ADAM22: variants seen among roughly 807,000 people sequenced by gnomAD.
ADAM22 encodes the protein disintegrin and metalloproteinase domain-containing protein 22.
ADAM22 carries 65 observed loss-of-function variants against 144.6 expected under a neutral mutation model. That is an observed-to-expected ratio of 0.45 (90% CI 0.37 to 0.55). The LOEUF (loss-of-function observed/expected upper bound fraction) is 0.55, where lower values mean the gene tolerates loss of function less well. Ranked by LOEUF, ADAM22 falls within the 20% of genes least tolerant of loss-of-function variation. The pLI is 0.00. For synonymous variants in ADAM22, 391 were observed against 412.6 expected (o/e 0.95, Z 0.63); for missense variants, 974 against 1,184.9 (o/e 0.82, Z 2.61).
intron 3 of ADAM22, among the ~76,000 whole-genome samples, chr7:88,054,643 A>G (rs1243475594): frequency 1.7e-5 from 2 of 119,402 alleles, no homozygotes; most frequent in Non-Finnish European, 3.8e-5. Flanking sequence ...ATTCCTCTGC[A>G]CACATGGTCG....
chr7:88,011,718 C>G (rs1227069345), intron 3 of ADAM22, among the ~76,000 whole-genome samples: 2 of 134,270 alleles, frequency 1.5e-5, no homozygotes, highest in Non-Finnish European at 3.4e-5. Flanking sequence ...TTCTCTTTCT[C>G]TCTCTCTCTC....
At chr7:88,184,087 C>A (rs1352218020) in intron 29 of ADAM22, among the ~76,000 whole-genome samples, 1 of 151,832 alleles carries the variant, frequency 6.6e-6, no homozygotes. Flanking sequence ...CCCTTTAGTA[C>A]CTCATTATTC....
chr7:88,047,480 G>T (rs931489319), intron 3 of ADAM22, among the ~76,000 whole-genome samples: 7 of 152,064 alleles, frequency 4.6e-5, no homozygotes, highest in Non-Finnish European at 1.0e-4. Context: ...TGATACATTG[G>T]GATTTGATTT....
chr7:87,970,459 C>G (rs1437634134), intron 2 of ADAM22, among the ~76,000 whole-genome samples: 1 of 152,028 alleles, frequency 6.6e-6, no homozygotes. Context: ...GTAATATTCC[C>G]ACCCCATTGG....
At chr7:88,182,336 A>T (rs993392875) in intron 29 of ADAM22, among the ~76,000 whole-genome samples, 2 of 152,046 alleles carry the variant, frequency 1.3e-5, no homozygotes, top group African/African-American at 4.8e-5. Context: ...TCTTCTCATC[A>T]TCTGGGATTC....
rs550116549 is a variant in ADAM22 at position 88,125,442 on chromosome 7, C to T, written c.608-147C>T. On this transcript the variant is annotated intron_variant, in intron 7 of 31. Transcript: ENST00000413139. ...TATATGTTTATTTAGTATTAATATACTACAGTTACTTAATGGTTTGTGTGA... is the reference window on the plus strand; with the variant it reads ...TATATGTTTATTTAGTATTAATATATTACAGTTACTTAATGGTTTGTGTGA... 12 of 518,834 alleles carry T rather than the reference C, an allele frequency of 2.3e-5. No homozygotes were observed. The Admixed American group carries it at 2.4e-4, about 11-fold the overall frequency. 32.1% of individuals were successfully genotyped at this position (518,834 alleles called of 1,614,324 possible). A position where few individuals can be genotyped will look rare whatever the true frequency, so the allele number is the denominator to read the frequency against.
At chr7:88,034,547 C>T (rs970629574) in intron 3 of ADAM22, among the ~76,000 whole-genome samples, 1 of 152,120 alleles carries the variant, frequency 6.6e-6, no homozygotes, top group South Asian at 2.1e-4. Flanking sequence ...TACCTCAGCT[C>T]GTGTCTCAGT....
intron 2 of ADAM22, among the ~76,000 whole-genome samples, chr7:87,953,362 A>G (rs1232979568): frequency 1.3e-5 from 2 of 152,136 alleles, no homozygotes; most frequent in African/African-American, 4.8e-5. Flanking sequence ...CGTTGGTTTC[A>G]AAGAACATCT....
intron 3 of ADAM22, among the ~76,000 whole-genome samples, chr7:88,074,009 A>C (rs1813512295): frequency 2.0e-5 from 3 of 152,190 alleles, no homozygotes. Context: ...TACATTTAGC[A>C]ATGTCTGGAG....
intron 3 of ADAM22, among the ~76,000 whole-genome samples, chr7:87,978,995 G>C (rs2129448874): frequency 6.6e-6 from 1 of 152,272 alleles, no homozygotes; most frequent in African/African-American, 2.4e-5. Flanking sequence ...CTTGCATTTG[G>C]TCTAAGTGTA....
At chr7:88,005,148 C>A (rs186729206) in intron 3 of ADAM22, among the ~76,000 whole-genome samples, 16 of 152,214 alleles carry the variant, frequency 1.1e-4, no homozygotes, top group African/African-American at 2.9e-4. Context: ...CACACACACA[C>A]AAACAAATAA....
At chr7:88,005,168 G>A (rs1793504493) in intron 3 of ADAM22, among the ~76,000 whole-genome samples, 1 of 152,094 alleles carries the variant, frequency 6.6e-6, no homozygotes, top group East Asian at 1.9e-4. Flanking sequence ...ATTGTGCCCT[G>A]TGTTCACCCA....
At chr7:87,960,492 A>G (rs1013271092) in intron 2 of ADAM22, among the ~76,000 whole-genome samples, 1 of 152,088 alleles carries the variant, frequency 6.6e-6, no homozygotes, top group African/African-American at 2.4e-5. Flanking sequence ...GAAGAGAAAC[A>G]GTTATACTTT....
Position 88,162,885 on chromosome 7 carries a change from C to T in ADAM22, c.1908-127C>T. The T allele has an allele frequency of 4.5e-6, 4 of 890,148 alleles. No homozygotes were observed. The South Asian group carries it at 6.7e-5, about 15-fold the overall frequency. The allele number at this position is 890,148 out of a possible 1,614,324, so 55.1% of individuals were successfully genotyped here. A position where few individuals can be genotyped will look rare whatever the true frequency, so the allele number is the denominator to read the frequency against. On this transcript the variant is annotated intron_variant, in intron 22 of 31. Coordinates refer to ENST00000413139, the MANE Select transcript of ADAM22 (RefSeq NM_001324418.2). ...TTCTCTGAGATTGAACTGGCTTATG[C>T]TACTGGTCTTTAATAAGTAATAAAT...
intron 3 of ADAM22, among the ~76,000 whole-genome samples, chr7:88,038,548 G>A (rs910575058): frequency 1.3e-4 from 19 of 150,380 alleles, no homozygotes; most frequent in Non-Finnish European, 1.2e-4. Flanking sequence ...TCCGCCTCCC[G>A]GGTTCACGCC....
chr7:88,111,840 A>G (rs576077487), intron 5 of ADAM22, among the ~76,000 whole-genome samples: 29 of 152,336 alleles, frequency 1.9e-4, no homozygotes, highest in Non-Finnish European at 2.8e-4. Flanking sequence ...ATTATCATAT[A>G]GCAATCTAGA....
intron 3 of ADAM22, among the ~76,000 whole-genome samples, chr7:88,008,511 C>T (rs1420993022): frequency 6.6e-6 from 1 of 152,070 alleles, no homozygotes; most frequent in Non-Finnish European, 1.5e-5. Flanking sequence ...AAATGTCCAA[C>T]AATGATAGAC....
chr7:87,970,072 A>C (rs573822374), intron 2 of ADAM22, among the ~76,000 whole-genome samples: 1 of 152,314 alleles, frequency 6.6e-6, no homozygotes, highest in African/African-American at 2.4e-5. Context: ...TCACAAAATT[A>C]ATCCCATATC....
At chr7:87,970,708 A>G (rs1238717482) in intron 2 of ADAM22, among the ~76,000 whole-genome samples, 1 of 152,228 alleles carries the variant, frequency 6.6e-6, no homozygotes. Flanking sequence ...GCTGCCACAA[A>G]GCAAAATGCA....
Sources: gnomAD v4.1 joint callset for allele counts (sites outside exome capture counted in the v4.1 genomes callset) on GRCh38, gnomAD v4.1.1 for gene constraint, MANE v1.5 for transcripts, NCBI Gene and HGNC (gene_info 2026-07-23, HGNC 2026-07-21) for gene names.